The following OPA1 variants were observed in gnomAD, a reference collection of about 807,000 sequenced individuals.
The protein encoded by OPA1 is dynamin-like GTPase OPA1, mitochondrial.
A neutral mutation model predicts 152.9 loss-of-function variants in OPA1; 59 were observed. The ratio of observed to expected loss-of-function variants is 0.39; its 90% CI spans 0.31 to 0.48. The LOEUF (loss-of-function observed/expected upper bound fraction) is 0.48, where lower values mean the gene tolerates loss of function less well. OPA1 is among the 20% of genes least tolerant of loss of function. The pLI is 0.96. For missense variants in OPA1, 1,008 were observed against 1,216.8 expected, an observed-to-expected ratio of 0.83 and a Z score of 2.55; for synonymous variants, 400 against 389.9, an observed-to-expected ratio of 1.03 and a Z score of -0.31.
At position 193,687,584 on chromosome 3, in the gene OPA1, G is replaced by A. The variant is rs374358115; in HGVS notation, c.2984-4479G>A. On this transcript the variant is annotated intron_variant, in intron 29 of 30. Coordinates refer to ENST00000361510, the MANE Select transcript of OPA1 (RefSeq NM_130837.3). ...GAAAGCAATTTCTAATGGTGAAATA[G>A]TTACAATAATATTTTTGAAATTTGA... Among the ~76,000 whole-genome samples, 5 of 152,184 alleles carry A rather than the reference G, an allele frequency of 3.3e-5. No individual in the cohort carries two copies. In the South Asian group the frequency reaches 6.2e-4, roughly 19 times the overall value.
intron 11 of OPA1, 145 bp from the exon 12 acceptor site, chr3:193,642,620 C>T: frequency 1.5e-6 from 1 of 667,532 alleles, no homozygotes; most frequent in Non-Finnish European, 2.7e-6. Context: ...ACCATGTTGA[C>T]AGCTTCAGGG....
At position 193,614,912 on chromosome 3, in the gene OPA1, A is replaced by T. The variant is rs114157340; in HGVS notation, c.222A>T (p.Lys74Asn). 4.4e-5 allele frequency: 71 copies of T among 1,613,894 alleles called. No individual in the cohort carries two copies. In the African/African-American group the frequency reaches 8.8e-4, roughly 20 times the overall value. ...SLTNLPLRKL[K>N]FSPIKYGYQP... ...CAAACCTTCCTTTACGTAAACTGAAATTCTCTCCAATTAAATATGGCTACC... is the reference window on the plus strand; with the variant it reads ...CAAACCTTCCTTTACGTAAACTGAATTTCTCTCCAATTAAATATGGCTACC... The change falls in exon 2 of 31, where the codon AAA (lysine) becomes AAT (asparagine). Residue 74 changes from lysine to asparagine, a missense_variant. This residue lies in a region of OPA1 where 408 missense variants were observed against 395.1 expected (regional missense o/e 1.03). Transcript: ENST00000361510.
rs367614484 is a variant in OPA1, at chr3:193,685,581, T to C, written c.2984-6482T>C. On this transcript the variant is annotated intron_variant, in intron 29 of 30. Coordinates refer to ENST00000361510, the MANE Select transcript of OPA1 (RefSeq NM_130837.3). ...GCCGAGTGATTTTAAATGACAGACT[T>C]TTTGGTAAGTAGAGAATTTACCCAA... Among the ~76,000 whole-genome samples the C allele has an allele frequency of 1.7e-4, 26 of 152,284 alleles. 1 individual carries two copies. In the South Asian group the frequency reaches 5.4e-3, roughly 32 times the overall value.
In OPA1 at chr3:193,695,917, A is replaced by G. The variant is rs1486263693; in HGVS notation, c.*1317A>G. On this transcript the variant is annotated 3_prime_UTR_variant, in exon 31 of 31. Transcript: ENST00000361510. ...TGGTATGCTCGGTTGAGGATATGAA[A>G]AAATACTTCCGAAACCAGGAATTCA... 1 of 152,244 alleles carries G rather than the reference A, an allele frequency of 6.6e-6. No individual in the cohort carries two copies. The highest frequency in any genetic ancestry group is 2.1e-4 in the South Asian group (1 of 4,832). The allele number at this position is 152,244 out of a possible 1,614,324, so 9.4% of individuals were successfully genotyped here. A position where few individuals can be genotyped will look rare whatever the true frequency, so the allele number is the denominator to read the frequency against.
At chr3:193,688,312 A>G (rs956905113) in intron 29 of OPA1, among the ~76,000 whole-genome samples, 1 of 152,046 alleles carries the variant, frequency 6.6e-6, no homozygotes, top group Non-Finnish European at 1.5e-5. Flanking sequence ...AGTGTGCGTC[A>G]ATTTAGTCTT....
At chr3:193,690,263 CAT>C (rs1242772300) in intron 29 of OPA1, among the ~76,000 whole-genome samples, 2 of 150,402 alleles carry the variant, frequency 1.3e-5, no homozygotes, top group Non-Finnish European at 3.0e-5. Flanking sequence ...TAACTATTAT[CAT>C]ATTTTCTCAA....
rs1734949965 is a variant in OPA1, at chr3:193,647,935, T to G, written c.1871-135T>G. On this transcript the variant is annotated intron_variant, in intron 19 of 30. Coordinates refer to ENST00000361510, the MANE Select transcript of OPA1 (RefSeq NM_130837.3). Reference sequence around the variant, plus strand: ...AAAATGAAATTCTGAGACGTTGAGATCCCAGAGTACTAAGGGGTCATAGGC... The same window carrying G: ...AAAATGAAATTCTGAGACGTTGAGAGCCCAGAGTACTAAGGGGTCATAGGC... The G allele has an allele frequency of 5.8e-6, 4 of 693,354 alleles. No individual in the cohort carries two copies. The East Asian group carries it at 1.1e-4, about 19-fold the overall frequency. 43.0% of individuals were successfully genotyped at this position (693,354 alleles called of 1,614,324 possible). A position where few individuals can be genotyped will look rare whatever the true frequency, so the allele number is the denominator to read the frequency against.
In OPA1 at chr3:193,597,481, A is replaced by G. The variant is rs569201528; in HGVS notation, c.32+4072A>G. 3.9e-5 allele frequency among the ~76,000 whole-genome samples: 6 copies of G among 152,138 alleles called. No homozygotes were observed. The South Asian group carries it at 1.2e-3, about 32-fold the overall frequency. On this transcript the variant is annotated intron_variant, in intron 1 of 30. Transcript: ENST00000361510. ...CGAGGTGGGCGGATCACCTGAGGTT[A>G]GGAGTTCGAGACCAGCCTGGCCAAC...
rs1423166497 is a variant in OPA1, at chr3:193,672,886, G to A, written c.2983+5606G>A. Among the ~76,000 whole-genome samples the A allele has an allele frequency of 3.4e-4, 48 of 139,500 alleles. No homozygotes were observed. In the South Asian group the frequency reaches 9.3e-3, roughly 27 times the overall value. 91.5% of individuals were successfully genotyped at this position (139,500 alleles called of 152,430 possible). On this transcript the variant is annotated intron_variant, in intron 29 of 30. Transcript: ENST00000361510. ...TCCATCTCAAAAAAAAAAAAAAAACGAAAAACAAAAACCTAAGGAGTCTTT... is the reference window on the plus strand; with the variant it reads ...TCCATCTCAAAAAAAAAAAAAAAACAAAAAACAAAAACCTAAGGAGTCTTT...
rs774053122 is a variant in OPA1 at position 193,643,547 on chromosome 3, C to G, written c.1397C>G (p.Ala466Gly). 1 of 1,613,620 alleles carries G rather than the reference C, an allele frequency of 6.2e-7. No homozygotes were observed. The highest frequency in any genetic ancestry group is 2.2e-5 in the East Asian group (1 of 44,818). Residue 466 changes from alanine to glycine, a missense_variant, in exon 15 of 31, where the codon GCT (alanine) becomes GGT (glycine). Physicochemically the swap from Ala to Gly is moderately conservative, Grantham distance 60 (BLOSUM62 0). Coordinates refer to ENST00000361510, the MANE Select transcript of OPA1 (RefSeq NM_130837.3). ...TTTAAGACTGTGACATCAGGCATGGCTCCTGACACAAAGGAAACTATTTTC... is the reference window on the plus strand; with the variant it reads ...TTTAAGACTGTGACATCAGGCATGGGTCCTGACACAAAGGAAACTATTTTC... Reference protein sequence around the residue: ...GVINTVTSGMAPDTKETIFSI... With the variant: ...GVINTVTSGMGPDTKETIFSI...
At chr3:193,619,383 G>A (rs1482724121) in intron 6 of OPA1, among the ~76,000 whole-genome samples, 1 of 152,140 alleles carries the variant, frequency 6.6e-6, no homozygotes, top group African/African-American at 2.4e-5. Flanking sequence ...ATAGGGACTA[G>A]ATTTCACTTT....
chr3:193,626,653 T>C (rs554351273), intron 7 of OPA1, among the ~76,000 whole-genome samples: 62 of 152,346 alleles, frequency 4.1e-4, no homozygotes, highest in Non-Finnish European at 8.4e-4. Flanking sequence ...ACAGGGAACA[T>C]TCATATTCTT....
At position 193,667,226 on chromosome 3, in the gene OPA1, G is replaced by A. The variant is rs1553788040; in HGVS notation, c.2929G>A (p.Glu977Lys). Residue 977 changes from glutamate (E) to lysine (K), a missense_variant, in exon 29 of 31, where the codon GAG (glutamate) becomes AAG (lysine). By Grantham distance (56) the Glu-to-Lys change is moderately conservative. This residue lies in a region of OPA1 where 137 missense variants were observed against 171.0 expected (regional missense o/e 0.80). Coordinates refer to ENST00000361510, the MANE Select transcript of OPA1 (RefSeq NM_130837.3). ...EVLEDFAEDGEKKIKLLTGKR... is the reference protein window; with the variant it reads ...EVLEDFAEDGKKKIKLLTGKR... ...ATTGGAAGATTTTGCTGAAGATGGT[G>A]AGAAGAAGATTAAATTGCTTACTGG... 1 of 1,609,606 alleles carries A rather than the reference G, an allele frequency of 6.2e-7. No individual in the cohort carries two copies. Among genetic ancestry groups the A allele is most frequent in the Non-Finnish European group, 8.5e-7 (1 of 1,175,872 alleles).
At chr3:193,659,386 GC>G in intron 24 of OPA1, 95 bp from the exon 25 acceptor site, 1 of 1,059,032 alleles carries the variant, frequency 9.4e-7, no homozygotes, top group South Asian at 1.4e-5. Context: ...TATTGATATA[GC>G]ACTTTGAAAT....
chr3:193,676,179 T>C (rs1227663057), intron 29 of OPA1, among the ~76,000 whole-genome samples: 1 of 152,230 alleles, frequency 6.6e-6, no homozygotes. Context: ...TACATTCAAG[T>C]ACTTTTTGGA....
Position 193,635,961 on chromosome 3 carries a change from G to A in OPA1, c.948+439G>A, listed in dbSNP as rs1732862921. Among the ~76,000 whole-genome samples the A allele has an allele frequency of 1.3e-5, 2 of 152,000 alleles. 1 individual carries two copies. The highest frequency in any genetic ancestry group is 1.3e-4 in the Admixed American group (2 of 15,258). ...TTTCTTCTAAGGAGAGCTTTCTTAG[G>A]CATTTCAAAGAACTTTCGAAAAAGT... On this transcript the variant is annotated intron_variant, in intron 9 of 30. Coordinates refer to ENST00000361510, the MANE Select transcript of OPA1 (RefSeq NM_130837.3).
chr3:193,604,725 TGG>T (rs1386117068), intron 1 of OPA1, among the ~76,000 whole-genome samples: 3 of 151,634 alleles, frequency 2.0e-5, no homozygotes, highest in African/African-American at 7.3e-5. Context: ...CCAGGCGTGG[TGG>T]TGCATGCCTG....
Position 193,654,847 on chromosome 3 carries a change from A to G in OPA1, c.2013-15A>G. The G allele has an allele frequency of 6.2e-7, 1 of 1,612,534 alleles. No individual in the cohort carries two copies. Among genetic ancestry groups the G allele is most frequent in the Non-Finnish European group, 8.5e-7 (1 of 1,179,040 alleles). On this transcript the variant is annotated splice_polypyrimidine_tract_variant and intron_variant, in intron 21 of 30. Coordinates refer to ENST00000361510, the MANE Select transcript of OPA1 (RefSeq NM_130837.3). ...TATATTTAGATTTGGTGCTTTTGAT[A>G]CTTTTTTATTTCAGGGAGGAAATCC...
In OPA1 at chr3:193,600,282, G is replaced by A. The variant is rs1037029451; in HGVS notation, c.32+6873G>A. On this transcript the variant is annotated intron_variant, in intron 1 of 30. Coordinates refer to ENST00000361510, the MANE Select transcript of OPA1 (RefSeq NM_130837.3). ...GGTCTCAGTGTGGAACTCACAAGTC[G>A]TCTTTAGTTTCAGTATGGAGTCTCA... Among the ~76,000 whole-genome samples, 6 of 152,170 alleles carry A rather than the reference G, an allele frequency of 3.9e-5. No homozygotes were observed. In the South Asian group the frequency reaches 1.0e-3, roughly 26 times the overall value.
Sources: gnomAD v4.1 joint callset for allele counts (sites outside exome capture counted in the v4.1 genomes callset) on GRCh38, gnomAD v4.1.1 for gene constraint, gnomAD v4.1.1 regional missense constraint, MANE v1.5 for transcripts, NCBI Gene and HGNC (gene_info 2026-07-23, HGNC 2026-07-21) for gene names.